SETD5: variants seen among roughly 807,000 people sequenced by gnomAD.
The protein encoded by SETD5 is histone-lysine N-methyltransferase SETD5.
A neutral mutation model predicts 153.3 loss-of-function variants in SETD5; 44 were observed. The ratio of observed to expected loss-of-function variants is 0.29; its 90% CI spans 0.23 to 0.37. SETD5 has a LOEUF of 0.37. Among genes scored for constraint, SETD5 ranks in the 10% least tolerant of loss-of-function variants. The pLI is 1.00. For synonymous variants in SETD5, 716 were observed against 645.2 expected (o/e 1.11, Z -1.66); for missense variants, 1,544 against 1,768.0 (o/e 0.87, Z 2.27).
At chr3:9,456,734 G>A (rs2043294617) in intron 17 of SETD5, among the ~76,000 whole-genome samples, 1 of 152,126 alleles carries the variant, frequency 6.6e-6, no homozygotes, top group Non-Finnish European at 1.5e-5. Context: ...CAGCACTTTG[G>A]GAGGCTGAGG....
In SETD5 at chr3:9,475,784, C is replaced by A; in HGVS notation, c.4022C>A (p.Pro1341His). The change falls in exon 23 of 23, where the codon CCT becomes CAT. Residue 1341 changes from proline to histidine, a missense_variant. By Grantham distance (77) the Pro-to-His change is moderately conservative. This residue lies in a region of SETD5 where 302 missense variants were observed against 277.6 expected (regional missense o/e 1.09). Coordinates refer to ENST00000402198, the MANE Select transcript of SETD5 (RefSeq NM_001080517.3). ...TGSNLPRRSC[P>H]SSAASPTLQG... Reference sequence around the variant, plus strand: ...AGCAATCTTCCAAGGAGGAGCTGCCCTTCTAGTGCTGCTAGCCCTACCCTG... The same window carrying A: ...AGCAATCTTCCAAGGAGGAGCTGCCATTCTAGTGCTGCTAGCCCTACCCTG... 1 of 1,614,020 alleles carries A rather than the reference C, an allele frequency of 6.2e-7. No homozygotes were observed. The highest frequency in any genetic ancestry group is 1.3e-5 in the African/African-American group (1 of 75,068).
At chr3:9,448,066 A>C (rs1403170712) in intron 15 of SETD5, 60 bp downstream of exon 15, 2 of 1,505,808 alleles carry the variant, frequency 1.3e-6, no homozygotes, top group Non-Finnish European at 1.8e-6. Flanking sequence ...TAGTGAAATG[A>C]GAGGACCTAT....
chr3:9,409,248 C>G (rs558445943), intron 1 of SETD5, among the ~76,000 whole-genome samples: 1 of 152,020 alleles, frequency 6.6e-6, no homozygotes, highest in South Asian at 2.1e-4. Flanking sequence ...ATTTATTGTC[C>G]GGAATACTCA....
intron 17 of SETD5, among the ~76,000 whole-genome samples, chr3:9,460,918 G>A (rs1037593544): frequency 6.6e-6 from 1 of 152,148 alleles, no homozygotes; most frequent in Admixed American, 6.5e-5. Flanking sequence ...CAGTGTCAGG[G>A]TGGGTTAGCA....
At position 9,434,078 on chromosome 3, in the gene SETD5, C is replaced by T; in HGVS notation, c.177+128C>T. On this transcript the variant is annotated intron_variant, in intron 4 of 22. Coordinates refer to ENST00000402198, the MANE Select transcript of SETD5 (RefSeq NM_001080517.3). The surrounding 1 kb of genome is among the most constrained non-coding windows in gnomAD (Gnocchi z 5.6). ...AGTTGCCCCTTTTGCACTTCCCTGA[C>T]TCCAGCGGACGTCTAGCCCTGCATC... is the stretch of plus-strand genomic sequence containing the variant. 1.3e-6 allele frequency: 2 copies of T among 1,586,284 alleles called. No homozygotes were observed. The highest frequency in any genetic ancestry group is 1.1e-5 in the South Asian group (1 of 87,966).
intron 17 of SETD5, among the ~76,000 whole-genome samples, chr3:9,459,533 G>A (rs764032409): frequency 9.2e-5 from 14 of 151,874 alleles, no homozygotes; most frequent in Non-Finnish European, 1.5e-4. Context: ...CACTTTGGGA[G>A]GCCGAGGCAG....
rs369259948 is a variant in SETD5, at chr3:9,447,953, A to G, written c.2050A>G (p.Ile684Val). Residue 684 changes from isoleucine (I) to valine (V), a missense_variant, in exon 15 of 23, where the codon ATT becomes GTT. Physicochemically the swap from Ile to Val is conservative, Grantham distance 29 (BLOSUM62 3). Around this residue, in one of 9 missense-constraint regions of SETD5, gnomAD observed 782 missense variants for 787.2 expected, o/e 0.99. Coordinates refer to ENST00000402198, the MANE Select transcript of SETD5 (RefSeq NM_001080517.3). ...LTGSDPTVVS[I>V]TGSHVNRAAS... is the part of the protein sequence containing the mutation. ...AGGGTCTGACCCAACTGTGGTGTCAATTACTGGATCCCATGTCAACCGTGC... is the reference window on the plus strand; with the variant it reads ...AGGGTCTGACCCAACTGTGGTGTCAGTTACTGGATCCCATGTCAACCGTGC... 32 of 1,613,854 alleles carry G rather than the reference A, an allele frequency of 2.0e-5. No homozygotes were observed. The highest frequency in any genetic ancestry group is 1.1e-4 in the East Asian group (5 of 44,898).
At chr3:9,440,773 A>G in intron 8 of SETD5, 75 bp downstream of exon 8, 1 of 1,495,896 alleles carries the variant, frequency 6.7e-7, no homozygotes, top group South Asian at 1.3e-5. Flanking sequence ...ATGGATTGGA[A>G]TTACTGTTCC....
chr3:9,430,918 G>A (rs1031389460), intron 3 of SETD5: 2 of 985,276 alleles, frequency 2.0e-6, no homozygotes, highest in Non-Finnish European at 2.4e-6. Flanking sequence ...ACAGATTTGT[G>A]ATACTGTGGT....
intron 16 of SETD5, among the ~76,000 whole-genome samples, chr3:9,450,730 T>TAG (rs2042526023): frequency 6.6e-6 from 1 of 152,206 alleles, no homozygotes; most frequent in African/African-American, 2.4e-5. Context: ...TGGGATTATT[T>TAG]AGAACAATGT....
At chr3:9,470,015 C>T (rs1157195693) in intron 18 of SETD5, among the ~76,000 whole-genome samples, 1 of 152,142 alleles carries the variant, frequency 6.6e-6, no homozygotes, top group Admixed American at 6.5e-5. Context: ...CCCCACCTTC[C>T]ATCAATATTA....
intron 18 of SETD5, among the ~76,000 whole-genome samples, chr3:9,466,063 C>T (rs907009527): frequency 2.0e-5 from 3 of 151,768 alleles, no homozygotes; most frequent in East Asian, 1.9e-4. Context: ...CTGAGGCAGG[C>T]GGATCACGAG....
intron 3 of SETD5, chr3:9,430,335 A>G (rs1416041941): frequency 1.7e-5 from 17 of 983,692 alleles, no homozygotes; most frequent in Non-Finnish European, 1.9e-5. Flanking sequence ...TCTAAAATGA[A>G]AAGCAGTGTT....
chr3:9,445,142 C>T lies in SETD5; in HGVS notation c.1282C>T (p.Pro428Ser). 6.2e-7 allele frequency: 1 copy of T among 1,614,024 alleles called. No individual in the cohort carries two copies. The highest frequency in any genetic ancestry group is 8.5e-7 in the Non-Finnish European group (1 of 1,179,908). ...PNATELPLLPPPPSLPTIGAE... is the reference protein window; with the variant it reads ...PNATELPLLPSPPSLPTIGAE... Reference sequence around the variant, plus strand: ...TGCTACAGAACTGCCACTCCTACCACCTCCTCCAAGCCTACCCACCATTGG... The same window carrying T: ...TGCTACAGAACTGCCACTCCTACCATCTCCTCCAAGCCTACCCACCATTGG... The change falls in exon 12 of 23, where the codon CCT (proline) becomes TCT (serine). Residue 428 changes from proline to serine, a missense_variant. Coordinates refer to ENST00000402198, the MANE Select transcript of SETD5 (RefSeq NM_001080517.3).
In SETD5 at chr3:9,435,983, C is replaced by A. The variant is rs1344498776; in HGVS notation, c.567+77C>A. On this transcript the variant is annotated intron_variant, in intron 7 of 22. Coordinates refer to ENST00000402198, the MANE Select transcript of SETD5 (RefSeq NM_001080517.3). ...TTTGGAGCAAGAATGCACCAAAATT[C>A]TTTTAAGAAGTTTGATCCAGGTGTT... 8.7e-6 allele frequency: 12 copies of A among 1,372,276 alleles called. No homozygotes were observed. In the East Asian group the frequency reaches 1.3e-4, roughly 14 times the overall value. 85.0% of individuals were successfully genotyped at this position (1,372,276 alleles called of 1,614,324 possible).
chr3:9,448,379 T>A lies in SETD5; in HGVS notation c.2104-9T>A. 6.2e-7 allele frequency: 1 copy of A among 1,613,440 alleles called. No homozygotes were observed. Among genetic ancestry groups the A allele is most frequent in the Non-Finnish European group, 8.5e-7 (1 of 1,179,572 alleles). ...GATTTATAAACTAATGATCTCTTTTTTACCTTAGTATCTAGTTACAGAATG... is the reference window on the plus strand; with the variant it reads ...GATTTATAAACTAATGATCTCTTTTATACCTTAGTATCTAGTTACAGAATG... On this transcript the variant is annotated splice_polypyrimidine_tract_variant and intron_variant, in intron 15 of 22. Transcript: ENST00000402198.
rs2039629329 is a variant in SETD5, at chr3:9,428,855, C to G, written c.-84C>G. The G allele has an allele frequency of 1.1e-6, 1 of 876,310 alleles. No individual in the cohort carries two copies. Among genetic ancestry groups the G allele is most frequent in the South Asian group, 1.7e-5 (1 of 60,314 alleles). 54.3% of individuals were successfully genotyped at this position (876,310 alleles called of 1,614,324 possible). A position where few individuals can be genotyped will look rare whatever the true frequency, so the allele number is the denominator to read the frequency against. On this transcript the variant is annotated 5_prime_UTR_variant, in exon 3 of 23. Transcript: ENST00000402198. Reference sequence around the variant, plus strand: ...CATGTCCATAACATGTTGGATGAGGCTCTGCAGCTCACCCCCACTCTCAGA... The same window carrying G: ...CATGTCCATAACATGTTGGATGAGGGTCTGCAGCTCACCCCCACTCTCAGA...
chr3:9,406,951 T>A (rs983557940), intron 1 of SETD5, among the ~76,000 whole-genome samples: 3 of 152,218 alleles, frequency 2.0e-5, no homozygotes, highest in Admixed American at 6.5e-5. Context: ...TGGTGGCATA[T>A]TATGTAAGTG....
intron 3 of SETD5, chr3:9,431,050 T>C (rs1290991818): frequency 5.3e-5 from 52 of 985,334 alleles, no homozygotes; most frequent in Non-Finnish European, 6.0e-5. Context: ...ATTTCGCTGT[T>C]CTGGGCACTT....
Sources: allele counts gnomAD v4.1 joint callset (sites outside exome capture counted in the v4.1 genomes callset), GRCh38; gene constraint gnomAD v4.1.1; regional missense constraint gnomAD v4.1.1; non-coding constraint Gnocchi (gnomAD v3.1); transcripts MANE v1.5; gene names NCBI Gene and HGNC (gene_info 2026-07-23, HGNC 2026-07-21).